Variants in ST8SIA4 observed in about 807,000 individuals in gnomAD.
ST8SIA4 encodes the protein ST8 alpha-N-acetyl-neuraminide alpha-2,8-sialyltransferase 4.
Under a neutral mutation model 33.9 loss-of-function variants are expected in ST8SIA4, and 15 were observed. The observed-to-expected ratio is 0.44, with a 90% CI of 0.30 to 0.68. The LOEUF (loss-of-function observed/expected upper bound fraction) is 0.68, where lower values mean the gene tolerates loss of function less well. Among genes scored for constraint, ST8SIA4 ranks in the 30% least tolerant of loss-of-function variants. The pLI is 0.10. For synonymous variants in ST8SIA4, 171 were observed against 151.2 expected, an observed-to-expected ratio of 1.13 and a Z score of -0.96; for missense variants, 321 against 428.0, an observed-to-expected ratio of 0.75 and a Z score of 2.21.
intron 4 of ST8SIA4, among the ~76,000 whole-genome samples, chr5:100,823,765 C>A (rs1401485327): frequency 1.3e-5 from 2 of 152,156 alleles, no homozygotes; most frequent in African/African-American, 4.8e-5. Context: ...GTGGACTATA[C>A]AATTCAACTC....
At chr5:100,900,932 G>C (rs1326335719) in intron 1 of ST8SIA4, among the ~76,000 whole-genome samples, 4 of 152,208 alleles carry the variant, frequency 2.6e-5, no homozygotes, top group African/African-American at 9.6e-5. Context: ...GTTTACTCAA[G>C]CGCCTGCCCC....
At chr5:100,893,636 T>C (rs1752719441) in intron 2 of ST8SIA4, among the ~76,000 whole-genome samples, 1 of 152,128 alleles carries the variant, frequency 6.6e-6, no homozygotes. Context: ...AGCCTATTTA[T>C]AGTATTTGAT....
Position 100,808,514 on chromosome 5 carries a change from C to G in ST8SIA4, c.*3333G>C, listed in dbSNP as rs897965822. 3.3e-5 allele frequency: 5 copies of G among 152,664 alleles called. No homozygotes were observed. Among genetic ancestry groups the G allele is most frequent in the African/African-American group, 1.2e-4 (5 of 41,560 alleles). The allele number at this position is 152,664 out of a possible 1,614,324, so 9.5% of individuals were successfully genotyped here. A position where few individuals can be genotyped will look rare whatever the true frequency, so the allele number is the denominator to read the frequency against. On this transcript the variant is annotated 3_prime_UTR_variant, in exon 5 of 5. Coordinates refer to ENST00000231461, the MANE Select transcript of ST8SIA4 (RefSeq NM_005668.6). ...TGTTTCCATGGTCTATTCATGTCAA[C>G]AGCACAATAACAACCATGTTCTGTA...
intron 4 of ST8SIA4, among the ~76,000 whole-genome samples, chr5:100,843,708 G>A (rs971851780): frequency 6.6e-6 from 1 of 151,870 alleles, no homozygotes; most frequent in Non-Finnish European, 1.5e-5. Flanking sequence ...TGATCCATCT[G>A]AATGAAGATG....
In ST8SIA4 at chr5:100,876,440, T is replaced by C. The variant is rs897067772; in HGVS notation, c.503+9903A>G. On this transcript the variant is annotated intron_variant, in intron 3 of 4. Coordinates refer to ENST00000231461, the MANE Select transcript of ST8SIA4 (RefSeq NM_005668.6). ...AAAATTTTGCTTGTCTGTAATCATA[T>C]GACAAAATCTTAGTATTACAAGGAC... Among the ~76,000 whole-genome samples the C allele has an allele frequency of 5.9e-5, 9 of 152,112 alleles. No individual in the cohort carries two copies. The East Asian group carries it at 9.6e-4, about 16-fold the overall frequency.
rs536028013 is a variant in ST8SIA4, at chr5:100,812,232, T to A, written c.798-103A>T. The A allele has an allele frequency of 5.7e-6, 5 of 883,836 alleles. No homozygotes were observed. The African/African-American group carries it at 8.6e-5, about 15-fold the overall frequency. 54.7% of individuals were successfully genotyped at this position (883,836 alleles called of 1,614,324 possible). A position where few individuals can be genotyped will look rare whatever the true frequency, so the allele number is the denominator to read the frequency against. ...GCAGAAAACTTAAAAGGTATCTTTATGAATAATATTTTAAAGAATTACTGA... is the reference window on the plus strand; with the variant it reads ...GCAGAAAACTTAAAAGGTATCTTTAAGAATAATATTTTAAAGAATTACTGA... On this transcript the variant is annotated intron_variant, in intron 4 of 4. Transcript: ENST00000231461.
chr5:100,871,845 C>A (rs1752203182), intron 3 of ST8SIA4, among the ~76,000 whole-genome samples: 2 of 152,020 alleles, frequency 1.3e-5, no homozygotes, highest in Non-Finnish European at 2.9e-5. Context: ...TTATTGACCT[C>A]ACTGAACAGT....
intron 2 of ST8SIA4, among the ~76,000 whole-genome samples, chr5:100,893,341 G>T (rs1177626205): frequency 1.3e-5 from 2 of 152,026 alleles, no homozygotes; most frequent in African/African-American, 2.4e-5. Flanking sequence ...TACAATAATG[G>T]TTTTACAAAT....
At chr5:100,889,561 G>T (rs1207133233) in intron 2 of ST8SIA4, among the ~76,000 whole-genome samples, 1 of 151,918 alleles carries the variant, frequency 6.6e-6, no homozygotes, top group Non-Finnish European at 1.5e-5. Context: ...CGTCAAAATG[G>T]ACTTTCCAAT....
At chr5:100,891,410 T>C (rs1349248532) in intron 2 of ST8SIA4, among the ~76,000 whole-genome samples, 3 of 152,088 alleles carry the variant, frequency 2.0e-5, no homozygotes, top group Non-Finnish European at 4.4e-5. Flanking sequence ...ATTTTTTATT[T>C]GTTTGTTTTG....
chr5:100,873,903 T>C (rs1752251047), intron 3 of ST8SIA4, among the ~76,000 whole-genome samples: 1 of 152,188 alleles, frequency 6.6e-6, no homozygotes, highest in African/African-American at 2.4e-5. Context: ...TGTAGATACT[T>C]ATGAGAGTAG....
At chr5:100,874,640 A>G (rs895823969) in intron 3 of ST8SIA4, among the ~76,000 whole-genome samples, 1 of 151,730 alleles carries the variant, frequency 6.6e-6, no homozygotes, top group African/African-American at 2.4e-5. Flanking sequence ...GCTCGAGTCT[A>G]GTGATACCAT....
At position 100,811,866 on chromosome 5, in the gene ST8SIA4, C is replaced by G. The variant is rs147924375; in HGVS notation, c.1061G>C (p.Gly354Ala). 14 of 1,612,194 alleles carry G rather than the reference C, an allele frequency of 8.7e-6. No homozygotes were observed. The highest frequency in any genetic ancestry group is 1.1e-5 in the Non-Finnish European group (13 of 1,179,184). Residue 354 changes from glycine to alanine, a missense_variant, in exon 5 of 5, where the codon GGA becomes GCA. Physicochemically the swap from Gly to Ala is moderately conservative, Grantham distance 60 (BLOSUM62 0). Transcript: ENST00000231461. The part of the protein sequence containing the change: ...HNRGALKLTT[G>A]KCVKQ ...TGTGCTTTATTGCTTTACACACTTT[C>G]CTGTTGTCAGTTTTAGAGCTCCTCT... is the stretch of plus-strand genomic sequence containing the variant.
intron 4 of ST8SIA4, among the ~76,000 whole-genome samples, chr5:100,817,610 G>A (rs1476014152): frequency 6.6e-6 from 1 of 152,086 alleles, no homozygotes; most frequent in Non-Finnish European, 1.5e-5. Context: ...ATTACATAAA[G>A]CACAAACAAG....
intron 3 of ST8SIA4, among the ~76,000 whole-genome samples, chr5:100,859,438 A>C (rs1751886537): frequency 6.6e-6 from 1 of 152,108 alleles, no homozygotes; most frequent in African/African-American, 2.4e-5. Flanking sequence ...ATCTTTAGCC[A>C]ATTTAAATAT....
At chr5:100,901,605 T>G (rs954755640) in intron 1 of ST8SIA4, among the ~76,000 whole-genome samples, 1 of 152,138 alleles carries the variant, frequency 6.6e-6, no homozygotes, top group East Asian at 1.9e-4. Flanking sequence ...GAATAGACCA[T>G]GTATAGATTC....
At chr5:100,854,210 A>G (rs2112437914) in intron 4 of ST8SIA4, among the ~76,000 whole-genome samples, 1 of 152,070 alleles carries the variant, frequency 6.6e-6, no homozygotes, top group East Asian at 1.9e-4. Context: ...CTCCAAATGC[A>G]GTATTTTTAT....
Position 100,882,936 on chromosome 5 carries a change from G to A in ST8SIA4, c.503+3407C>T, listed in dbSNP as rs532952703. ...TTCGCTGCAGGGGCGGGGTGCTCAC[G>A]GATAACCTCTGCAAGGGCAGTGTGG... On this transcript the variant is annotated intron_variant, in intron 3 of 4. Transcript: ENST00000231461. Among the ~76,000 whole-genome samples, 12 of 152,326 alleles carry A rather than the reference G, an allele frequency of 7.9e-5. No homozygotes were observed. In the East Asian group the frequency reaches 1.2e-3, roughly 15 times the overall value.
intron 4 of ST8SIA4, among the ~76,000 whole-genome samples, chr5:100,830,674 A>C (rs1751239147): frequency 6.6e-6 from 1 of 152,248 alleles, no homozygotes; most frequent in Non-Finnish European, 1.5e-5. Flanking sequence ...CAAGCAGTCA[A>C]GGACACACCA....
Sources: allele counts gnomAD v4.1 joint callset (sites outside exome capture counted in the v4.1 genomes callset), GRCh38; gene constraint gnomAD v4.1.1; transcripts MANE v1.5; gene names NCBI Gene and HGNC (gene_info 2026-07-23, HGNC 2026-07-21).